The following NTNG1 variants were observed in gnomAD, a reference collection of about 807,000 sequenced individuals.
The protein encoded by NTNG1 is netrin-G1.
A neutral mutation model predicts 54.0 loss-of-function variants in NTNG1; 16 were observed. That is an observed-to-expected ratio of 0.30 (90% CI 0.20 to 0.45). The LOEUF is 0.45. NTNG1 is among the 20% of genes least tolerant of loss of function. The probability of loss-of-function intolerance (pLI) is 1.00; values close to 1 mark genes in which losing one functional copy is unlikely to be tolerated. For synonymous variants in NTNG1, 255 were observed against 263.1 expected (o/e 0.97, Z 0.30); for missense variants, 530 against 678.7 (o/e 0.78, Z 2.43).
intron 2 of NTNG1, among the ~76,000 whole-genome samples, chr1:107,161,202 A>G (rs1431543752): frequency 6.6e-6 from 1 of 152,196 alleles, no homozygotes; most frequent in Admixed American, 6.5e-5. Flanking sequence ...TATTTGTTTG[A>G]CCATAACCTT....
intron 3 of NTNG1, among the ~76,000 whole-genome samples, chr1:107,387,534 G>A (rs760908510): frequency 3.9e-5 from 6 of 152,166 alleles, no homozygotes; most frequent in African/African-American, 1.4e-4. Flanking sequence ...AGAAGATGCT[G>A]GTCCATGGAC....
intron 2 of NTNG1, among the ~76,000 whole-genome samples, chr1:107,296,114 G>A (rs1275527538): frequency 2.6e-5 from 4 of 152,000 alleles, no homozygotes; most frequent in South Asian, 2.1e-4. Flanking sequence ...AGCCTTTCAC[G>A]GATTTGACTA....
At chr1:107,411,084 G>A (rs1270205298) in intron 5 of NTNG1, among the ~76,000 whole-genome samples, 1 of 152,110 alleles carries the variant, frequency 6.6e-6, no homozygotes, top group African/African-American at 2.4e-5. Context: ...CACATTTTGT[G>A]AACCTGACTC....
At chr1:107,420,449 C>T (rs1674504276) in intron 5 of NTNG1, among the ~76,000 whole-genome samples, 1 of 152,134 alleles carries the variant, frequency 6.6e-6, no homozygotes. Flanking sequence ...TCACAAGCAA[C>T]TCTTCATGAA....
chr1:107,480,132 T>C (rs957928357), intron 7 of NTNG1, among the ~76,000 whole-genome samples: 1 of 151,960 alleles, frequency 6.6e-6, no homozygotes, highest in African/African-American at 2.4e-5. Context: ...CATGCAGCGC[T>C]GGAATCACGC....
At chr1:107,189,384 A>G (rs1007977276) in intron 2 of NTNG1, among the ~76,000 whole-genome samples, 4 of 147,846 alleles carry the variant, frequency 2.7e-5, no homozygotes, top group Non-Finnish European at 6.0e-5. Flanking sequence ...TGAATTTAGA[A>G]AAGAAAATGA....
At chr1:107,426,050 T>C (rs893355356) in intron 5 of NTNG1, among the ~76,000 whole-genome samples, 7 of 152,132 alleles carry the variant, frequency 4.6e-5, no homozygotes, top group Non-Finnish European at 7.4e-5. Context: ...TGTTGAGTTA[T>C]CTGAGTTCCT....
intron 2 of NTNG1, among the ~76,000 whole-genome samples, chr1:107,318,032 T>C (rs1192685094): frequency 6.6e-6 from 1 of 152,244 alleles, no homozygotes; most frequent in African/African-American, 2.4e-5. Flanking sequence ...CTATCTAATG[T>C]TGGGACAGTC....
Position 107,378,008 on chromosome 1 carries a change from T to A in NTNG1, c.888-17146T>A, listed in dbSNP as rs905559631. Among the ~76,000 whole-genome samples the A allele has an allele frequency of 7.9e-5, 12 of 152,264 alleles. No homozygotes were observed. The South Asian group carries it at 8.3e-4, about 10-fold the overall frequency. On this transcript the variant is annotated intron_variant, in intron 3 of 7. Transcript: ENST00000370068. ...AGATCTAATCCAATGGTGATGTTGC[T>A]GGCAGAACTGCCAATCGGTTTCATT...
At chr1:107,467,236 A>G (rs1677663813) in intron 7 of NTNG1, among the ~76,000 whole-genome samples, 1 of 152,236 alleles carries the variant, frequency 6.6e-6, no homozygotes, top group East Asian at 1.9e-4. Context: ...AAGAAATTGT[A>G]GGAGTGAACG....
intron 2 of NTNG1, among the ~76,000 whole-genome samples, chr1:107,174,675 G>C (rs12140854): frequency 0.12 from 17,867 of 151,822 alleles, 1,406 homozygotes; most frequent in Non-Finnish European, 0.18. Context: ...CTCCACATTA[G>C]AACCTCCTAG....
chr1:107,456,936 T>G (rs1676990918), intron 7 of NTNG1, among the ~76,000 whole-genome samples: 1 of 152,192 alleles, frequency 6.6e-6, no homozygotes, highest in Non-Finnish European at 1.5e-5. Flanking sequence ...GTCATATAAA[T>G]CAATATACTG....
At chr1:107,293,813 T>C (rs1430689363) in intron 2 of NTNG1, among the ~76,000 whole-genome samples, 1 of 152,234 alleles carries the variant, frequency 6.6e-6, no homozygotes, top group Non-Finnish European at 1.5e-5. Flanking sequence ...AAAGGATGGC[T>C]ATAACTGAAT....
chr1:107,331,277 A>C (rs78589168), intron 3 of NTNG1, among the ~76,000 whole-genome samples: 1 of 12,928 alleles, frequency 7.7e-5, no homozygotes, highest in Non-Finnish European at 1.3e-3. Context: ...AGCCATCTTT[A>C]AATAGCAACA....
chr1:107,177,311 C>T (rs1041952356), intron 2 of NTNG1, among the ~76,000 whole-genome samples: 3 of 152,032 alleles, frequency 2.0e-5, no homozygotes, highest in Non-Finnish European at 2.9e-5. Context: ...GTCTCCTTCT[C>T]CCCACTCTCA....
chr1:107,181,683 C>T (rs1025533379), intron 2 of NTNG1, among the ~76,000 whole-genome samples: 8 of 152,188 alleles, frequency 5.3e-5, no homozygotes, highest in African/African-American at 1.7e-4. Flanking sequence ...CAGCTCCCTC[C>T]CTTGCTGTAC....
At position 107,429,435 on chromosome 1, in the gene NTNG1, A is replaced by G. The variant is rs190241810; in HGVS notation, c.1088-1315A>G. 5.5e-4 allele frequency among the ~76,000 whole-genome samples: 83 copies of G among 152,272 alleles called. 1 individual carries two copies. Among genetic ancestry groups the G allele is most frequent in the Admixed American group, 4.8e-3 (74 of 15,266 alleles). On this transcript the variant is annotated intron_variant, in intron 5 of 7. Transcript: ENST00000370068. ...TCATTTTTACTCTACTCATCAAAATATAATATTTGAAAAATTTTATATAGG... is the reference window on the plus strand; with the variant it reads ...TCATTTTTACTCTACTCATCAAAATGTAATATTTGAAAAATTTTATATAGG...
In NTNG1 at chr1:107,337,389, T is replaced by TTATA. The variant is rs1353658390; in HGVS notation, c.887+12469_887+12472dup. On this transcript the variant is annotated intron_variant, in intron 3 of 7. Coordinates refer to ENST00000370068, the MANE Select transcript of NTNG1 (RefSeq NM_001113226.3). ...GGACAAATGTTACATGATATGCAAC[T>TTATA]TATATGAGTGTCCTAGAGTAAGCAA... Among the ~76,000 whole-genome samples the TTATA allele has an allele frequency of 2.0e-5, 3 of 152,126 alleles. No individual in the cohort carries two copies. In the East Asian group the frequency reaches 5.8e-4, roughly 29 times the overall value.
At position 107,395,068 on chromosome 1, in the gene NTNG1, G is replaced by A. The variant is rs1426314023; in HGVS notation, c.888-86G>A. 1.1e-5 allele frequency: 11 copies of A among 1,025,210 alleles called. 1 individual carries two copies. The highest frequency in any genetic ancestry group is 1.6e-5 in the African/African-American group (1 of 62,766). 63.5% of individuals were successfully genotyped at this position (1,025,210 alleles called of 1,614,324 possible). On this transcript the variant is annotated intron_variant, in intron 3 of 7. Transcript: ENST00000370068. ...TCTGTGTATCACTAAAGCACTGCAT[G>A]GTTTGAGGAGACAAATCAGGGAAGC...
Sources: allele counts gnomAD v4.1 joint callset (sites outside exome capture counted in the v4.1 genomes callset), GRCh38; gene constraint gnomAD v4.1.1; transcripts MANE v1.5; gene names NCBI Gene and HGNC (gene_info 2026-07-23, HGNC 2026-07-21).